Variants in GOLGA4 observed in about 807,000 individuals in gnomAD.
The protein encoded by GOLGA4 is golgin A4.
In GOLGA4, 169 loss-of-function variants were observed where a neutral mutation model predicts 265.9. That is an observed-to-expected ratio of 0.64 (90% CI 0.56 to 0.72). The LOEUF is 0.72. Ranked by LOEUF, GOLGA4 falls within the 30% of genes least tolerant of loss-of-function variation. The pLI is 0.00. For missense variants in GOLGA4, 2,482 were observed against 2,483.4 expected, an observed-to-expected ratio of 1.00 and a Z score of 0.01; for synonymous variants, 923 against 855.8, an observed-to-expected ratio of 1.08 and a Z score of -1.37.
At chr3:37,268,694 C>G (rs900380132) in intron 2 of GOLGA4, among the ~76,000 whole-genome samples, 4 of 152,152 alleles carry the variant, frequency 2.6e-5, no homozygotes, top group South Asian at 2.1e-4. Flanking sequence ...ACTTCAGCCT[C>G]CCAAGTAGCT....
chr3:37,358,749 A>G (rs1296263779), intron 22 of GOLGA4, among the ~76,000 whole-genome samples: 1 of 152,068 alleles, frequency 6.6e-6, no homozygotes, highest in East Asian at 1.9e-4. Context: ...TATAAGAAAA[A>G]CCATTAAAGA....
intron 1 of GOLGA4, among the ~76,000 whole-genome samples, chr3:37,250,873 T>C (rs1482496263): frequency 6.6e-6 from 1 of 152,176 alleles, no homozygotes; most frequent in Non-Finnish European, 1.5e-5. Flanking sequence ...CAAGGTAGGC[T>C]CAAAGCAAGG....
At position 37,243,638 on chromosome 3, in the gene GOLGA4, C is replaced by T. The variant is rs2096708979; in HGVS notation, c.72+16C>T. The T allele has an allele frequency of 1.9e-6, 3 of 1,603,288 alleles. No homozygotes were observed. Among genetic ancestry groups the T allele is most frequent in the African/African-American group, 1.3e-5 (1 of 74,720 alleles). ...TCCTGCTCAGGTACGATGGCCGCCG[C>T]TCTCCTCCCCTGGTTCCGAATACCT... On this transcript the variant is annotated intron_variant, in intron 1 of 23. Coordinates refer to ENST00000361924, the MANE Select transcript of GOLGA4 (RefSeq NM_002078.5).
chr3:37,342,946 C>A (rs1490786414), intron 20 of GOLGA4, among the ~76,000 whole-genome samples: 1 of 152,196 alleles, frequency 6.6e-6, no homozygotes. Flanking sequence ...GTTGCCCAGG[C>A]TGAAGTGCAG....
intron 2 of GOLGA4, among the ~76,000 whole-genome samples, chr3:37,262,768 C>T (rs1181363684): frequency 6.6e-6 from 1 of 151,708 alleles, no homozygotes; most frequent in African/African-American, 2.4e-5. Flanking sequence ...CAAAAACAAA[C>T]AGACAAAAAA....
intron 22 of GOLGA4, among the ~76,000 whole-genome samples, chr3:37,358,850 G>A (rs1380452696): frequency 4.6e-5 from 7 of 152,096 alleles, no homozygotes; most frequent in Non-Finnish European, 1.0e-4. Context: ...AGCGACATGC[G>A]ACATTGCTGG....
chr3:37,278,846 T>A (rs2096826875), intron 2 of GOLGA4, among the ~76,000 whole-genome samples: 1 of 150,858 alleles, frequency 6.6e-6, no homozygotes, highest in Non-Finnish European at 1.5e-5. Flanking sequence ...AGAGTCTCTC[T>A]GTGTCACCCA....
At chr3:37,298,046 A>C (rs967824744) in intron 7 of GOLGA4, among the ~76,000 whole-genome samples, 30 of 151,986 alleles carry the variant, frequency 2.0e-4, no homozygotes, top group African/African-American at 7.0e-4. Flanking sequence ...AAAAGAGGGA[A>C]TACACACCTG....
In GOLGA4 at chr3:37,275,690, G is replaced by A; in HGVS notation, c.163-6268G>A. ...GTGGGCGCGGAGAAGACCTGCCGGA[G>A]CCATGGAGGACGAAGTGGTCCGCTT... On this transcript the variant is annotated intron_variant, in intron 2 of 23. Transcript: ENST00000361924. The A allele has an allele frequency of 5.6e-6, 9 of 1,611,938 alleles. No individual in the cohort carries two copies. The South Asian group carries it at 6.6e-5, about 12-fold the overall frequency.
rs1408872145 is a variant in GOLGA4 at position 37,243,502 on chromosome 3, C to T, written c.-49C>T. 1.3e-6 allele frequency: 2 copies of T among 1,559,974 alleles called. No homozygotes were observed. The highest frequency in any genetic ancestry group is 2.7e-5 in the African/African-American group (2 of 73,940). On this transcript the variant is annotated 5_prime_UTR_variant, in exon 1 of 24. Transcript: ENST00000361924. Reference sequence around the variant, plus strand: ...CGTCGCGGCCGGGACTCCCCGGGCTCTCGCCCTTCAGGTTTCGTTGACACT... The same window carrying T: ...CGTCGCGGCCGGGACTCCCCGGGCTTTCGCCCTTCAGGTTTCGTTGACACT...
At chr3:37,337,579 T>C in intron 18 of GOLGA4, 87 bp from the exon 19 acceptor site, 1 of 838,664 alleles carries the variant, frequency 1.2e-6, no homozygotes. Flanking sequence ...TTAAAAAGAC[T>C]AACAAAAATT....
chr3:37,264,020 G>A (rs948333849), intron 2 of GOLGA4, among the ~76,000 whole-genome samples: 3 of 152,222 alleles, frequency 2.0e-5, no homozygotes, highest in African/African-American at 4.8e-5. Context: ...CTTAGGCTTT[G>A]AGATGACTGT....
chr3:37,350,694 A>G (rs748027480), intron 21 of GOLGA4, among the ~76,000 whole-genome samples: 2 of 152,152 alleles, frequency 1.3e-5, no homozygotes, highest in African/African-American at 2.4e-5. Flanking sequence ...CACTGCAATA[A>G]ATGAATATCA....
At chr3:37,246,186 A>G (rs115890932) in intron 1 of GOLGA4, among the ~76,000 whole-genome samples, 4 of 152,050 alleles carry the variant, frequency 2.6e-5, no homozygotes, top group African/African-American at 9.7e-5. Context: ...GCACACCTGT[A>G]ATCCTGGCTA....
rs2096961863 is a variant in GOLGA4 at position 37,323,792 on chromosome 3, C to T, written c.1906C>T (p.Gln636Ter). 6.2e-7 allele frequency: 1 copy of T among 1,608,650 alleles called. No homozygotes were observed. The highest frequency in any genetic ancestry group is 8.5e-7 in the Non-Finnish European group (1 of 1,178,626). Residue 636 changes from glutamine (Q) to a stop codon, truncating the protein, a stop_gained, in exon 14 of 24, where the codon CAA (glutamine) becomes TAA (stop). Transcript: ENST00000361924. LOFTEE classifies it high-confidence loss of function. ...LWTEKLQVLK[Q>*]QYQTEMEKLR... ...GACTGAAAAACTCCAAGTCTTAAAG[C>T]AACAATATCAGACTGAAATGGAAAA...
chr3:37,340,977 C>G (rs2097031826), intron 20 of GOLGA4, among the ~76,000 whole-genome samples: 2 of 152,012 alleles, frequency 1.3e-5, no homozygotes, highest in East Asian at 3.9e-4. Flanking sequence ...ACCATCCTGG[C>G]CAACATGGTG....
Position 37,315,557 on chromosome 3 carries a change from G to A in GOLGA4, c.1372G>A (p.Glu458Lys), listed in dbSNP as rs2096935365. Residue 458 changes from glutamate to lysine, a missense_variant, in exon 11 of 24, where the codon GAA becomes AAA. Coordinates refer to ENST00000361924, the MANE Select transcript of GOLGA4 (RefSeq NM_002078.5). ...SEEERISLQQ[E>K]LSRVKQEVVD... ...GGAGGAACGCATCAGTCTTCAACAG[G>A]AATTAAGTCGGGTGAAACAGGAGGT... 7 of 1,613,948 alleles carry A rather than the reference G, an allele frequency of 4.3e-6. No homozygotes were observed. Among genetic ancestry groups the A allele is most frequent in the Non-Finnish European group, 5.9e-6 (7 of 1,179,868 alleles).
intron 17 of GOLGA4, among the ~76,000 whole-genome samples, chr3:37,335,748 CTTTTT>C (rs75959188): frequency 1.5e-5 from 2 of 136,416 alleles, no homozygotes; most frequent in African/African-American, 5.4e-5. Flanking sequence ...AAGATCTAAG[CTTTTT>C]TTTTTTTTTT....
intron 1 of GOLGA4, among the ~76,000 whole-genome samples, chr3:37,247,122 G>A (rs2096721827): frequency 6.6e-6 from 1 of 152,118 alleles, no homozygotes; most frequent in Non-Finnish European, 1.5e-5. Flanking sequence ...AATAAGTTTG[G>A]TACCTAAAAT....
Sources: gnomAD v4.1 joint callset for allele counts (sites outside exome capture counted in the v4.1 genomes callset) on GRCh38, gnomAD v4.1.1 for gene constraint, MANE v1.5 for transcripts, NCBI Gene and HGNC (gene_info 2026-07-23, HGNC 2026-07-21) for gene names.